Variants in PTDSS1 observed in about 807,000 individuals in gnomAD.
PTDSS1 encodes the protein phosphatidylserine synthase 1, also known as PSS-1.
A neutral mutation model predicts 70.5 loss-of-function variants in PTDSS1; 45 were observed. The observed-to-expected ratio is 0.64, with a 90% CI of 0.50 to 0.82. The LOEUF is 0.82. PTDSS1 is among the 40% of genes least tolerant of loss of function. PTDSS1 has a pLI of 0.00. For synonymous variants in PTDSS1, 188 were observed against 203.8 expected, an observed-to-expected ratio of 0.92 and a Z score of 0.66; for missense variants, 417 against 586.1, an observed-to-expected ratio of 0.71 and a Z score of 2.98.
intron 4 of PTDSS1, among the ~76,000 whole-genome samples, chr8:96,287,607 G>T (rs1023106532): frequency 6.6e-6 from 1 of 152,092 alleles, no homozygotes; most frequent in Non-Finnish European, 1.5e-5. Context: ...GGGTCACGGT[G>T]GCTGCCCCTG....
At chr8:96,332,514 C>T (rs2130192219) in intron 12 of PTDSS1, among the ~76,000 whole-genome samples, 1 of 152,268 alleles carries the variant, frequency 6.6e-6, no homozygotes, top group East Asian at 1.9e-4. Flanking sequence ...TTCTCCTGAA[C>T]CACGGAATTG....
chr8:96,327,144 A>T (rs1032549599), intron 10 of PTDSS1, among the ~76,000 whole-genome samples: 2 of 152,180 alleles, frequency 1.3e-5, no homozygotes. Context: ...TAATCTGTCA[A>T]TAACACTGGA....
chr8:96,330,634 G>A (rs187875635), intron 11 of PTDSS1: 8 of 373,020 alleles, frequency 2.1e-5, no homozygotes, highest in East Asian at 1.6e-4. Context: ...CCTGTGTTCC[G>A]GCCTGTGGCT....
intron 2 of PTDSS1, among the ~76,000 whole-genome samples, chr8:96,281,288 T>G (rs2130037128): frequency 6.6e-6 from 1 of 152,300 alleles, no homozygotes; most frequent in East Asian, 1.9e-4. Flanking sequence ...AATACCACTT[T>G]AAAAAATTCA....
chr8:96,285,962 C>G (rs958508901), intron 3 of PTDSS1, among the ~76,000 whole-genome samples: 3 of 152,150 alleles, frequency 2.0e-5, no homozygotes, highest in Non-Finnish European at 4.4e-5. Flanking sequence ...AAAAAATGTG[C>G]ATTCCCTGGG....
intron 1 of PTDSS1, among the ~76,000 whole-genome samples, chr8:96,272,639 T>A (rs1810582856): frequency 6.6e-6 from 1 of 152,206 alleles, no homozygotes; most frequent in Non-Finnish European, 1.5e-5. Context: ...TTACTTAATC[T>A]TTCTGAACTT....
intron 9 of PTDSS1, among the ~76,000 whole-genome samples, chr8:96,313,830 C>A (rs1811246498): frequency 6.6e-6 from 1 of 152,244 alleles, no homozygotes; most frequent in Non-Finnish European, 1.5e-5. Flanking sequence ...CCAGTCCTTT[C>A]CTCATCCTCT....
chr8:96,308,824 G>A (rs1444011715), intron 8 of PTDSS1, among the ~76,000 whole-genome samples: 1 of 152,040 alleles, frequency 6.6e-6, no homozygotes, highest in African/African-American at 2.4e-5. Flanking sequence ...TTGCATTTAT[G>A]GCTTGCATTA....
intron 9 of PTDSS1, among the ~76,000 whole-genome samples, chr8:96,315,413 G>T (rs888942752): frequency 6.6e-6 from 1 of 152,134 alleles, no homozygotes; most frequent in Non-Finnish European, 1.5e-5. Context: ...CCACGTGCAG[G>T]CTTGTTGGCA....
intron 1 of PTDSS1, among the ~76,000 whole-genome samples, chr8:96,270,076 A>G (rs1340859195): frequency 6.6e-6 from 1 of 152,216 alleles, no homozygotes; most frequent in East Asian, 1.9e-4. Flanking sequence ...AATCTGCCCA[A>G]GGTCACACAG....
chr8:96,334,048 GT>G lies in PTDSS1; in HGVS notation c.*484del. ...TTCTGTCTTTTATTTGGTTACTGTT[GT>G]TATTTGTTTTTAAGTTAGGATGCTT... On this transcript the variant is annotated 3_prime_UTR_variant, in exon 13 of 13. Transcript: ENST00000517309. The G allele has an allele frequency of 2.4e-6, 1 of 418,718 alleles. No homozygotes were observed. The highest frequency in any genetic ancestry group is 2.0e-5 in the African/African-American group (1 of 48,810). The allele number at this position is 418,718 out of a possible 1,614,324, so 25.9% of individuals were successfully genotyped here.
At position 96,262,238 on chromosome 8, in the gene PTDSS1, G is replaced by T. The variant is rs766903526; in HGVS notation, c.179+19G>T. 4.0e-5 allele frequency: 64 copies of T among 1,606,562 alleles called. No homozygotes were observed. The East Asian group carries it at 1.2e-3, about 31-fold the overall frequency. ...TTACCAGGTGGGGCGGCCCAGCCGA[G>T]CGGGGGGCGCGTCCAAGGGCTAGGG... On this transcript the variant is annotated intron_variant, in intron 1 of 12. Coordinates refer to ENST00000517309, the MANE Select transcript of PTDSS1 (RefSeq NM_014754.3). This position sits in a 1 kb window ranked among gnomAD's most constrained non-coding sequence, Gnocchi z 4.4.
intron 4 of PTDSS1, 136 bp downstream of exon 4, chr8:96,287,282 GGTT>G (rs1389412919): frequency 1.6e-6 from 2 of 1,250,496 alleles, no homozygotes; most frequent in Non-Finnish European, 2.2e-6. Context: ...TCTCTGGGAG[GGTT>G]GTTGAGTTGC....
chr8:96,274,842 G>C (rs943794303), intron 2 of PTDSS1, among the ~76,000 whole-genome samples: 4 of 152,180 alleles, frequency 2.6e-5, no homozygotes, highest in African/African-American at 9.7e-5. Context: ...GTATGTAGCA[G>C]ACTAGCATAA....
Position 96,262,017 on chromosome 8 carries a change from C to T in PTDSS1, c.-24C>T, listed in dbSNP as rs767082082. The T allele has an allele frequency of 1.9e-6, 3 of 1,603,800 alleles. No individual in the cohort carries two copies. The highest frequency in any genetic ancestry group is 1.3e-5 in the African/African-American group (1 of 74,708). ...CTTCTCGGGCTGGGGCCGCCGCCAC[C>T]GCGGCAGGACGGGGAGGCGGGCCAT... On this transcript the variant is annotated 5_prime_UTR_variant, in exon 1 of 13. Coordinates refer to ENST00000517309, the MANE Select transcript of PTDSS1 (RefSeq NM_014754.3). The surrounding 1 kb of genome is among the most constrained non-coding windows in gnomAD (Gnocchi z 4.4).
intron 5 of PTDSS1, among the ~76,000 whole-genome samples, chr8:96,296,859 C>T (rs555902635): frequency 2.6e-5 from 4 of 152,332 alleles, no homozygotes; most frequent in South Asian, 2.1e-4. Context: ...GGAACCCAGC[C>T]GCTGCATAGG....
At chr8:96,317,943 A>G (rs140988223) in intron 9 of PTDSS1, among the ~76,000 whole-genome samples, 2,776 of 150,254 alleles carry the variant, frequency 0.018, 40 homozygotes, top group Middle Eastern at 0.028. Context: ...ATACTGGATC[A>G]CAGTGAAAAT....
intron 10 of PTDSS1, among the ~76,000 whole-genome samples, chr8:96,325,375 G>A (rs563151167): frequency 6.6e-6 from 1 of 152,156 alleles, no homozygotes; most frequent in Non-Finnish European, 1.5e-5. Context: ...GTGTGCATAA[G>A]GCTAAAGGAT....
At chr8:96,265,145 T>G (rs537369762) in intron 1 of PTDSS1, among the ~76,000 whole-genome samples, 1 of 152,342 alleles carries the variant, frequency 6.6e-6, no homozygotes, top group East Asian at 1.9e-4. Context: ...AGTGCCTTAT[T>G]ATTTATTTTA....
Sources: allele counts gnomAD v4.1 joint callset (sites outside exome capture counted in the v4.1 genomes callset), GRCh38; gene constraint gnomAD v4.1.1; non-coding constraint Gnocchi (gnomAD v3.1); transcripts MANE v1.5; gene names NCBI Gene and HGNC (gene_info 2026-07-23, HGNC 2026-07-21).